Variants in EXOC2 observed in about 807,000 individuals in gnomAD.
EXOC2 encodes exocyst complex component 2.
In EXOC2, 70 loss-of-function variants were observed where a neutral mutation model predicts 131.8. The observed-to-expected ratio is 0.53, with a 90% CI of 0.44 to 0.65. The LOEUF is 0.65. Among genes scored for constraint, EXOC2 ranks in the 30% least tolerant of loss-of-function variants. The probability of loss-of-function intolerance (pLI) is 0.00; values close to 1 mark genes in which losing one functional copy is unlikely to be tolerated. For missense variants in EXOC2, 923 were observed against 1,108.6 expected (o/e 0.83, Z 2.38); for synonymous variants, 411 against 398.4 (o/e 1.03, Z -0.38).
At chr6:599,532 C>T (rs1238831181) in intron 7 of EXOC2, among the ~76,000 whole-genome samples, 1 of 152,104 alleles carries the variant, frequency 6.6e-6, no homozygotes, top group Non-Finnish European at 1.5e-5. Context: ...CAATTATGGG[C>T]CCTTAGGTTA....
At position 656,350 on chromosome 6, in the gene EXOC2, A is replaced by G. The variant is rs370776953; in HGVS notation, c.-43-18489T>C. On this transcript the variant is annotated intron_variant, in intron 1 of 27. Coordinates refer to ENST00000230449, the MANE Select transcript of EXOC2 (RefSeq NM_018303.6). ...AGATTTTTAAAATAACTTTGAATGG[A>G]CACCACCTCCGTCTCTATACTCAGG... 74 of 1,614,008 alleles carry G rather than the reference A, an allele frequency of 4.6e-5. No homozygotes were observed. Among genetic ancestry groups the G allele is most frequent in the Non-Finnish European group, 6.3e-5 (74 of 1,180,018 alleles).
chr6:567,992 C>T (rs968800136), intron 13 of EXOC2, among the ~76,000 whole-genome samples: 7 of 152,168 alleles, frequency 4.6e-5, no homozygotes, highest in Admixed American at 4.6e-4. Flanking sequence ...CTTTGTGTGA[C>T]GGTTGGGGGT....
At chr6:556,856 G>T (rs1031168368) in intron 17 of EXOC2, among the ~76,000 whole-genome samples, 1 of 152,144 alleles carries the variant, frequency 6.6e-6, no homozygotes, top group Admixed American at 6.5e-5. Context: ...TCTTCTAAGA[G>T]GCCAATATAC....
intron 1 of EXOC2, among the ~76,000 whole-genome samples, chr6:639,478 G>A (rs1409434906): frequency 1.5e-5 from 2 of 134,278 alleles, no homozygotes; most frequent in African/African-American, 2.8e-5. Context: ...GTGAGCAGGT[G>A]TGCAAGCCCC....
intron 11 of EXOC2, among the ~76,000 whole-genome samples, chr6:589,423 G>A (rs202062458): frequency 2.0e-5 from 3 of 151,156 alleles, no homozygotes; most frequent in East Asian, 1.9e-4. Flanking sequence ...ATGCCGATCC[G>A]GAGAACTGAC....
intron 23 of EXOC2, among the ~76,000 whole-genome samples, chr6:526,679 A>G (rs1765766873): frequency 6.6e-6 from 1 of 151,958 alleles, no homozygotes; most frequent in African/African-American, 2.4e-5. Flanking sequence ...ACCTCAGGTG[A>G]TCCGCCCGCC....
At chr6:558,382 C>T (rs1297062805) in intron 17 of EXOC2, among the ~76,000 whole-genome samples, 1 of 152,140 alleles carries the variant, frequency 6.6e-6, no homozygotes, top group Non-Finnish European at 1.5e-5. Flanking sequence ...TTTAAAGAGG[C>T]AAAATGTTTG....
intron 4 of EXOC2, among the ~76,000 whole-genome samples, chr6:622,095 G>A (rs1761320466): frequency 1.3e-5 from 2 of 152,206 alleles, no homozygotes; most frequent in Admixed American, 1.3e-4. Flanking sequence ...TCTCAACTCA[G>A]CTAGAAAGAA....
chr6:646,245 A>G (rs1412553222), intron 1 of EXOC2, among the ~76,000 whole-genome samples: 1 of 152,194 alleles, frequency 6.6e-6, no homozygotes, highest in Non-Finnish European at 1.5e-5. Context: ...TATTCTTAAT[A>G]ACTACATACT....
At chr6:582,925 G>T (rs762848687) in intron 11 of EXOC2, among the ~76,000 whole-genome samples, 1 of 152,054 alleles carries the variant, frequency 6.6e-6, no homozygotes, top group Non-Finnish European at 1.5e-5. Flanking sequence ...GTGCATTTCA[G>T]TATCATTCAA....
At chr6:546,188 G>GA (rs959458217) in intron 22 of EXOC2, among the ~76,000 whole-genome samples, 30 of 148,798 alleles carry the variant, frequency 2.0e-4, no homozygotes, top group East Asian at 9.8e-4. Flanking sequence ...TTTATAAGTT[G>GA]AAAAAAAAAT....
At position 523,948 on chromosome 6, in the gene EXOC2, A is replaced by G. The variant is rs139430404; in HGVS notation, c.2380+8521T>C. ...GAAGGTGATGTTTGGGGTAGTATGAAGGTGTGGGTGGGGTGCAGAGCTGAA... is the reference window on the plus strand; with the variant it reads ...GAAGGTGATGTTTGGGGTAGTATGAGGGTGTGGGTGGGGTGCAGAGCTGAA... On this transcript the variant is annotated intron_variant, in intron 23 of 27. Coordinates refer to ENST00000230449, the MANE Select transcript of EXOC2 (RefSeq NM_018303.6). Among the ~76,000 whole-genome samples the G allele has an allele frequency of 4.0e-3, 606 of 152,304 alleles. 5 individuals carry two copies. Among genetic ancestry groups the G allele is most frequent in the African/African-American group, 0.014 (571 of 41,560 alleles).
intron 25 of EXOC2, among the ~76,000 whole-genome samples, chr6:496,664 C>A (rs1763760721): frequency 6.6e-6 from 1 of 152,172 alleles, no homozygotes; most frequent in East Asian, 1.9e-4. Flanking sequence ...CCTCTAGAAT[C>A]TGCCCACCAA....
intron 4 of EXOC2, among the ~76,000 whole-genome samples, chr6:620,237 T>C (rs1231718498): frequency 6.6e-6 from 1 of 152,194 alleles, no homozygotes; most frequent in Non-Finnish European, 1.5e-5. Context: ...ATGCCAGATG[T>C]ACCCACCGAG....
intron 4 of EXOC2, among the ~76,000 whole-genome samples, chr6:623,581 C>T (rs1021230345): frequency 1.2e-4 from 19 of 152,288 alleles, no homozygotes; most frequent in African/African-American, 4.1e-4. Context: ...TAACCTTGCC[C>T]GGACACACAG....
At chr6:685,566 G>A (rs1764607151) in intron 1 of EXOC2, among the ~76,000 whole-genome samples, 1 of 152,214 alleles carries the variant, frequency 6.6e-6, no homozygotes, top group African/African-American at 2.4e-5. Context: ...TCAAGTGCAA[G>A]TTACATTAGC....
chr6:574,895 C>A (rs1419493925), intron 12 of EXOC2, among the ~76,000 whole-genome samples: 1 of 152,272 alleles, frequency 6.6e-6, no homozygotes, highest in Non-Finnish European at 1.5e-5. Context: ...GTTGGTAATG[C>A]CTGTTTTCCA....
chr6:676,183 GAGA>G (rs1764119891), intron 1 of EXOC2, among the ~76,000 whole-genome samples: 1 of 75,742 alleles, frequency 1.3e-5, no homozygotes, highest in Non-Finnish European at 3.0e-5. Flanking sequence ...GGTTCCTCTG[GAGA>G]CTGCGGTTCC....
At chr6:669,166 T>G (rs1380839797) in intron 1 of EXOC2, 1 of 152,224 alleles carries the variant, frequency 6.6e-6, no homozygotes, top group East Asian at 1.9e-4. Context: ...CTGCTCCATG[T>G]GAAATGCAGC....
Sources: allele counts gnomAD v4.1 joint callset (sites outside exome capture counted in the v4.1 genomes callset), GRCh38; gene constraint gnomAD v4.1.1; transcripts MANE v1.5; gene names NCBI Gene and HGNC (gene_info 2026-07-23, HGNC 2026-07-21).